Variants in MACROD2 observed in about 807,000 individuals in gnomAD.
The protein encoded by MACROD2 is ADP-ribose glycohydrolase MACROD2.
Under a neutral mutation model 70.4 loss-of-function variants are expected in MACROD2, and 36 were observed. The ratio of observed to expected loss-of-function variants is 0.51; its 90% CI spans 0.39 to 0.68. MACROD2 has a LOEUF of 0.68. Ranked by LOEUF, MACROD2 falls within the 30% of genes least tolerant of loss-of-function variation. The pLI is 0.00. For missense variants in MACROD2, 496 were observed against 538.4 expected, an observed-to-expected ratio of 0.92 and a Z score of 0.78; for synonymous variants, 172 against 178.8, an observed-to-expected ratio of 0.96 and a Z score of 0.30.
At chr20:15,441,291 A>G (rs2046492278) in intron 7 of MACROD2, among the ~76,000 whole-genome samples, 1 of 152,154 alleles carries the variant, frequency 6.6e-6, no homozygotes, top group Non-Finnish European at 1.5e-5. Flanking sequence ...ATGACATCAA[A>G]CTAAGAACCC....
intron 5 of MACROD2, among the ~76,000 whole-genome samples, chr20:15,149,917 G>A (rs1211479420): frequency 6.6e-6 from 1 of 151,990 alleles, no homozygotes; most frequent in Non-Finnish European, 1.5e-5. Context: ...GTGGGGAAAG[G>A]ATTTAGGATC....
intron 3 of MACROD2, among the ~76,000 whole-genome samples, chr20:14,479,184 G>A (rs574564713): frequency 1.3e-5 from 2 of 152,172 alleles, no homozygotes; most frequent in South Asian, 2.1e-4. Flanking sequence ...CCCTTCCTGG[G>A]CTGGGTGCTT....
At chr20:14,573,571 A>G (rs978155175) in intron 4 of MACROD2, among the ~76,000 whole-genome samples, 2 of 105,070 alleles carry the variant, frequency 1.9e-5, no homozygotes, top group Non-Finnish European at 4.3e-5. Flanking sequence ...CTTAGAGAAA[A>G]GATATTATTT....
chr20:15,440,290 G>T (rs1026311876), intron 7 of MACROD2, among the ~76,000 whole-genome samples: 1 of 152,162 alleles, frequency 6.6e-6, no homozygotes, highest in South Asian at 2.1e-4. Flanking sequence ...TTGAGTTATT[G>T]GCTGTAAATG....
intron 5 of MACROD2, among the ~76,000 whole-genome samples, chr20:14,992,287 TAAAC>T (rs1379431515): frequency 2.0e-5 from 3 of 152,168 alleles, no homozygotes; most frequent in South Asian, 2.1e-4. Context: ...GCTCATAAAA[TAAAC>T]AAAACACAAT....
At chr20:15,346,967 C>G (rs913136412) in intron 6 of MACROD2, among the ~76,000 whole-genome samples, 1 of 152,160 alleles carries the variant, frequency 6.6e-6, no homozygotes, top group African/African-American at 2.4e-5. Context: ...AGTGCATGGT[C>G]AGGTGCTAGA....
chr20:15,618,095 C>CT (rs398035424), intron 8 of MACROD2, among the ~76,000 whole-genome samples: 39,753 of 71,298 alleles, frequency 0.56, 10,939 homozygotes, highest in South Asian at 0.67. Context: ...CATCATTAGT[C>CT]TTTTTTTTTT....
At chr20:15,468,069 T>G (rs556016033) in intron 7 of MACROD2, among the ~76,000 whole-genome samples, 1 of 152,320 alleles carries the variant, frequency 6.6e-6, no homozygotes, top group South Asian at 2.1e-4. Context: ...AGATGGCAAA[T>G]TTTATGTTTT....
At chr20:14,653,010 G>A (rs980562868) in intron 4 of MACROD2, among the ~76,000 whole-genome samples, 1 of 152,094 alleles carries the variant, frequency 6.6e-6, no homozygotes, top group African/African-American at 2.4e-5. Context: ...TATTAGCCGT[G>A]TATACCCTTG....
chr20:14,065,126 G>A lies in MACROD2; in HGVS notation c.164-20495G>A, dbSNP rs542973792. Reference sequence around the variant, plus strand: ...CACCTTTGAATTTGGCTGGACTCCTGTGGGTCCTACCAAGGCTGCACGTAA... The same window carrying A: ...CACCTTTGAATTTGGCTGGACTCCTATGGGTCCTACCAAGGCTGCACGTAA... On this transcript the variant is annotated intron_variant, in intron 2 of 17. Transcript: ENST00000684519. 8.5e-5 allele frequency among the ~76,000 whole-genome samples: 13 copies of A among 152,266 alleles called. No individual in the cohort carries two copies. In the South Asian group the frequency reaches 2.7e-3, roughly 32 times the overall value.
chr20:14,613,394 T>C (rs796296509), intron 4 of MACROD2, among the ~76,000 whole-genome samples: 85 of 152,154 alleles, frequency 5.6e-4, no homozygotes, highest in African/African-American at 1.7e-3. Flanking sequence ...GGTGTTTCTG[T>C]TTCTCTTGGT....
At chr20:15,798,742 T>C (rs981086385) in intron 8 of MACROD2, among the ~76,000 whole-genome samples, 5 of 152,182 alleles carry the variant, frequency 3.3e-5, no homozygotes, top group Non-Finnish European at 7.3e-5. Flanking sequence ...AGGCTCTAGA[T>C]ACCTCATTAG....
chr20:15,648,513 A>G (rs1043566690), intron 8 of MACROD2, among the ~76,000 whole-genome samples: 1 of 152,112 alleles, frequency 6.6e-6, no homozygotes, highest in African/African-American at 2.4e-5. Context: ...AATACTTCCT[A>G]TCAACCTTAG....
intron 4 of MACROD2, among the ~76,000 whole-genome samples, chr20:14,562,549 C>A (rs1979507751): frequency 6.6e-6 from 1 of 151,806 alleles, no homozygotes; most frequent in African/African-American, 2.4e-5. Context: ...TCAGGGATAG[C>A]AACTGTAGTT....
intron 4 of MACROD2, among the ~76,000 whole-genome samples, chr20:14,611,885 A>C (rs879764034): frequency 6.6e-6 from 1 of 152,116 alleles, no homozygotes; most frequent in Non-Finnish European, 1.5e-5. Flanking sequence ...CAACCTTTTA[A>C]AATGTATGGT....
intron 8 of MACROD2, among the ~76,000 whole-genome samples, chr20:15,828,112 AAG>A (rs2064016969): frequency 1.3e-5 from 2 of 152,206 alleles, no homozygotes; most frequent in African/African-American, 2.4e-5. Flanking sequence ...GGAAATTGCT[AAG>A]AGAGTAGATT....
intron 3 of MACROD2, among the ~76,000 whole-genome samples, chr20:14,090,564 C>G (rs1308010282): frequency 1.2e-5 from 1 of 83,482 alleles, no homozygotes; most frequent in East Asian, 4.2e-4. Context: ...CAGAGCAAGA[C>G]TCCGTGTCAA....
intron 2 of MACROD2, among the ~76,000 whole-genome samples, chr20:14,006,403 T>C (rs1340345071): frequency 6.6e-6 from 1 of 152,192 alleles, no homozygotes; most frequent in East Asian, 1.9e-4. Flanking sequence ...TTGAATGAAA[T>C]CACATATGTC....
Position 14,664,981 on chromosome 20 carries a change from TA to T in MACROD2, c.302-19861del, listed in dbSNP as rs1222255618. 2.6e-5 allele frequency among the ~76,000 whole-genome samples: 4 copies of T among 152,234 alleles called. No homozygotes were observed. In the East Asian group the frequency reaches 5.8e-4, roughly 22 times the overall value. Reference sequence around the variant, plus strand: ...GGTTACTAGCATGGCTAAGAGAAGTTACATGTGGACAGCACTCGGATTTCAA... The same window carrying T: ...GGTTACTAGCATGGCTAAGAGAAGTTCATGTGGACAGCACTCGGATTTCAA... On this transcript the variant is annotated intron_variant, in intron 4 of 17. Transcript: ENST00000684519.
Sources: gnomAD v4.1 joint callset for allele counts (sites outside exome capture counted in the v4.1 genomes callset) on GRCh38, gnomAD v4.1.1 for gene constraint, MANE v1.5 for transcripts, NCBI Gene and HGNC (gene_info 2026-07-23, HGNC 2026-07-21) for gene names.